Variants in MORC4 observed in about 807,000 individuals in gnomAD.
MORC4 encodes MORC family CW-type zinc finger protein 4.
Under a neutral mutation model 65.5 loss-of-function variants are expected in MORC4, and 22 were observed. The ratio of observed to expected loss-of-function variants is 0.34; its 90% CI spans 0.24 to 0.48. The LOEUF (loss-of-function observed/expected upper bound fraction) is 0.48, where lower values mean the gene tolerates loss of function less well. MORC4 is among the 20% of genes least tolerant of loss of function. MORC4 has a pLI of 0.99. For missense variants in MORC4, 624 were observed against 703.0 expected (o/e 0.89, Z 1.27); for synonymous variants, 267 against 255.8 (o/e 1.04, Z -0.42).
intron 11 of MORC4, among the ~76,000 whole-genome samples, chrX:106,957,838 G>A (rs7056491): frequency 0.031 from 3,419 of 111,529 alleles, 138 homozygotes; most frequent in African/African-American, 0.1. Flanking sequence ...AAAGTCCTTT[G>A]TCTCGAAGAG....
At chrX:106,962,514 T>A (rs1194878894) in intron 9 of MORC4, among the ~76,000 whole-genome samples, 1 of 112,255 alleles carries the variant, frequency 8.9e-6, no homozygotes, top group African/African-American at 3.2e-5. Flanking sequence ...TACAGGTAGA[T>A]AATTCAGAAC....
chrX:106,955,082 T>G lies in MORC4; in HGVS notation c.1516A>C (p.Ser506Arg). The G allele has an allele frequency of 8.4e-7, 1 of 1,185,749 alleles. No individual in the cohort carries two copies. ...ACAGTAAGGATCTTTGGTGGATTAC[T>G]GAATACCTATAAAAGACAGAAATGA... ...PMENENHQVF[S>R]NPPKILTVQE... is the part of the protein sequence containing the mutation. Residue 506 changes from serine to arginine, a missense_variant, in exon 14 of 17, where the codon AGT becomes CGT. Physicochemically the swap from Ser to Arg is moderately radical, Grantham distance 110 (BLOSUM62 -1). Coordinates refer to ENST00000355610, the MANE Select transcript of MORC4 (RefSeq NM_024657.5).
At chrX:106,969,982 C>T (rs1934468736) in intron 9 of MORC4, among the ~76,000 whole-genome samples, 1 of 111,760 alleles carries the variant, frequency 8.9e-6, no homozygotes, top group Non-Finnish European at 1.9e-5. Flanking sequence ...TTTTATGAGG[C>T]CAGCATCATC....
chrX:106,948,157 C>A (rs1933894526), intron 14 of MORC4, among the ~76,000 whole-genome samples: 1 of 111,263 alleles, frequency 9.0e-6, no homozygotes, highest in Non-Finnish European at 1.9e-5. Context: ...TTACTTTATG[C>A]AATGTTACAT....
intron 3 of MORC4, among the ~76,000 whole-genome samples, chrX:106,990,897 A>G (rs1015426891): frequency 2.7e-5 from 3 of 111,528 alleles, no homozygotes; most frequent in African/African-American, 9.8e-5. Flanking sequence ...TTAATTAAAA[A>G]AAAAGGTATC....
Position 106,941,371 on chromosome X carries a change from T to TGAGAGA in MORC4, c.*102_*107dup, listed in dbSNP as rs58310740. ...TCTATATAAGGCATAAAGGTGAGGG[T>TGAGAGA]GAGAGAGAGAGAGAGAGAGAGAGAG... On this transcript the variant is annotated 3_prime_UTR_variant, in exon 17 of 17. Transcript: ENST00000355610. 4,883 of 392,961 alleles carry TGAGAGA rather than the reference T, an allele frequency of 0.012. 169 individuals are homozygous for TGAGAGA. The highest frequency in any genetic ancestry group is 0.096 in the African/African-American group (2,903 of 30,193). The allele number at this position is 392,961 out of a possible 1,213,427, so 32.4% of individuals were successfully genotyped here. A position where few individuals can be genotyped will look rare whatever the true frequency, so the allele number is the denominator to read the frequency against.
intron 9 of MORC4, among the ~76,000 whole-genome samples, chrX:106,962,819 T>A (rs1205594866): frequency 8.9e-6 from 1 of 112,136 alleles, no homozygotes; most frequent in Non-Finnish European, 1.9e-5. Context: ...AACTTCCAAC[T>A]TTCGAATTAC....
intron 10 of MORC4, among the ~76,000 whole-genome samples, chrX:106,959,532 C>G (rs759035671): frequency 7.2e-5 from 8 of 110,720 alleles, no homozygotes; most frequent in Admixed American, 9.7e-5. Context: ...TTATTTTCTT[C>G]TTGTTGTTGT....
chrX:106,996,608 T>TA (rs1935085941), intron 2 of MORC4, among the ~76,000 whole-genome samples: 2 of 111,281 alleles, frequency 1.8e-5, no homozygotes, highest in African/African-American at 6.5e-5. Context: ...TCTTCTCCCC[T>TA]AACCCGGCCC....
rs1296830062 is a variant in MORC4, at chrX:106,999,036, G to C, written c.175+641C>G. On this transcript the variant is annotated intron_variant, in intron 2 of 16. Coordinates refer to ENST00000355610, the MANE Select transcript of MORC4 (RefSeq NM_024657.5). Reference sequence around the variant, plus strand: ...GTAGCACACTACTGCAAAAACTGGTGTAATTGGCTTGAAGGGATCAACTGA... The same window carrying C: ...GTAGCACACTACTGCAAAAACTGGTCTAATTGGCTTGAAGGGATCAACTGA... 2.7e-5 allele frequency among the ~76,000 whole-genome samples: 3 copies of C among 112,143 alleles called. No individual in the cohort carries two copies. The East Asian group carries it at 8.4e-4, about 31-fold the overall frequency.
intron 9 of MORC4, among the ~76,000 whole-genome samples, chrX:106,975,557 T>A (rs939530077): frequency 3.6e-5 from 4 of 111,580 alleles, no homozygotes; most frequent in African/African-American, 1.3e-4. Context: ...TTTATTACAG[T>A]TTGGGCACAA....
At chrX:106,972,899 C>A (rs1270739245) in intron 9 of MORC4, among the ~76,000 whole-genome samples, 2 of 112,665 alleles carry the variant, frequency 1.8e-5, no homozygotes, top group African/African-American at 6.4e-5. Context: ...GCACTCCAGC[C>A]TGGGCAACAA....
At chrX:106,978,251 A>C in intron 7 of MORC4, 52 bp from the exon 8 acceptor site, 1 of 1,136,645 alleles carries the variant, frequency 8.8e-7, no homozygotes, top group Non-Finnish European at 1.2e-6. Flanking sequence ...TCAACGACAA[A>C]ATTTTACACC....
chrX:106,987,690 T>C (rs1162847447), intron 3 of MORC4, among the ~76,000 whole-genome samples: 1 of 111,437 alleles, frequency 9.0e-6, no homozygotes, highest in East Asian at 2.8e-4. Context: ...TTCCTGAAGA[T>C]TGCGGTTTTG....
chrX:106,949,434 C>T (rs192595981), intron 14 of MORC4, among the ~76,000 whole-genome samples: 317 of 112,135 alleles, frequency 2.8e-3, no homozygotes, highest in Middle Eastern at 0.019. Flanking sequence ...ATGTAGAGGT[C>T]ACACTTCCCT....
At chrX:106,943,390 T>A (rs906116309) in intron 14 of MORC4, among the ~76,000 whole-genome samples, 185 bp from the exon 15 acceptor site, 1 of 111,650 alleles carries the variant, frequency 9.0e-6, no homozygotes, top group Admixed American at 9.5e-5. Context: ...CGACTGGTAT[T>A]AACGGAGAGG....
intron 4 of MORC4, 49 bp from the exon 5 acceptor site, chrX:106,985,292 G>C (rs1348547730): frequency 8.4e-6 from 8 of 954,711 alleles, no homozygotes. Context: ...GGATGCTATT[G>C]AGAAGGAAGA....
intron 9 of MORC4, among the ~76,000 whole-genome samples, chrX:106,969,029 T>C (rs1253455884): frequency 8.9e-6 from 1 of 112,020 alleles, no homozygotes; most frequent in African/African-American, 3.2e-5. Context: ...CAACAGAATA[T>C]ACATTCTTCT....
At chrX:106,989,484 T>A (rs992526112) in intron 3 of MORC4, among the ~76,000 whole-genome samples, 4 of 112,262 alleles carry the variant, frequency 3.6e-5, no homozygotes, top group African/African-American at 1.3e-4. Flanking sequence ...TAACAACAAA[T>A]GTTAGAGGTC....
Sources: allele counts gnomAD v4.1 joint callset (sites outside exome capture counted in the v4.1 genomes callset), GRCh38; gene constraint gnomAD v4.1.1; transcripts MANE v1.5; gene names NCBI Gene and HGNC (gene_info 2026-07-23, HGNC 2026-07-21).